The following DRC9 variants were observed in gnomAD, a reference collection of about 807,000 sequenced individuals.
DRC9 encodes the protein dynein regulatory complex subunit 9, also known as dynein regulatory complex protein 9.
At chr3:197,894,026 G>C in the DRC9 span, among the ~76,000 whole-genome samples, 759 of 152,186 alleles carry the variant, frequency 5.0e-3, 9 homozygotes, top group African/African-American at 0.018. Flanking sequence ...AAATGGAAGA[G>C]AACCAGTAAA....
chr3:197,950,898 T>G, the DRC9 span: 1 of 1,608,724 alleles, frequency 6.2e-7, no homozygotes, highest in Non-Finnish European at 8.5e-7. Context: ...GAAACTTGTG[T>G]GGCTTGGTTT....
At chr3:197,900,486 G>A in the DRC9 span, among the ~76,000 whole-genome samples, 1 of 151,716 alleles carries the variant, frequency 6.6e-6, no homozygotes, top group Non-Finnish European at 1.5e-5. This position sits in a 1 kb window ranked among gnomAD's most constrained non-coding sequence, Gnocchi z 4.7. Flanking sequence ...ACAAGGCACT[G>A]GGCAGAGGAT....
the DRC9 span, among the ~76,000 whole-genome samples, chr3:197,895,627 T>C: frequency 6.6e-6 from 1 of 152,182 alleles, no homozygotes; most frequent in East Asian, 1.9e-4. Flanking sequence ...AGTAATGATA[T>C]AAAAATCTTA....
the DRC9 span, among the ~76,000 whole-genome samples, chr3:197,928,080 C>T: frequency 6.6e-6 from 1 of 152,124 alleles, no homozygotes; most frequent in Non-Finnish European, 1.5e-5. Context: ...ACGTTTTGCA[C>T]ACGTGCCCTA....
the DRC9 span, among the ~76,000 whole-genome samples, chr3:197,917,720 C>T: frequency 6.7e-6 from 1 of 150,254 alleles, no homozygotes; most frequent in Non-Finnish European, 1.5e-5. Flanking sequence ...CCCTGTCTTC[C>T]CCATTTCTCT....
the DRC9 span, among the ~76,000 whole-genome samples, chr3:197,948,300 G>T: frequency 6.6e-6 from 1 of 152,194 alleles, no homozygotes; most frequent in Admixed American, 6.5e-5. Flanking sequence ...TTTGAAAAAT[G>T]CCTTAACTGA....
At chr3:197,940,947 A>C in the DRC9 span, among the ~76,000 whole-genome samples, 741 of 152,302 alleles carry the variant, frequency 4.9e-3, 8 homozygotes, top group African/African-American at 0.017. Context: ...ACCAGAAAAA[A>C]ACAGTGCAAA....
chr3:197,951,596 G>A, the DRC9 span: 30 of 400,632 alleles, frequency 7.5e-5, no homozygotes, highest in Non-Finnish European at 1.2e-4. Context: ...TAGGTGATCC[G>A]CCCACCTCGG....
chr3:197,917,151 A>T, the DRC9 span, among the ~76,000 whole-genome samples: 1 of 152,214 alleles, frequency 6.6e-6, no homozygotes, highest in Admixed American at 6.5e-5. Context: ...ACCTGTCTCT[A>T]CAAAAAAATT....
the DRC9 span, chr3:197,892,587 T>C: frequency 1.2e-6 from 2 of 1,604,664 alleles, no homozygotes; most frequent in Admixed American, 3.3e-5. Flanking sequence ...CCCTAATTCC[T>C]TTCACTCTGT....
chr3:197,902,551 G>T, the DRC9 span, among the ~76,000 whole-genome samples: 4 of 151,934 alleles, frequency 2.6e-5, no homozygotes, highest in African/African-American at 9.7e-5. Flanking sequence ...AGAAACTCTT[G>T]AGTTGAAAAA....
chr3:197,958,667 G>C, the DRC9 span: 1 of 152,196 alleles, frequency 6.6e-6, no homozygotes, highest in African/African-American at 2.4e-5. Flanking sequence ...GAAAACAAAC[G>C]GTTGAGACTT....
At chr3:197,955,678 G>A in the DRC9 span, 96 of 1,279,682 alleles carry the variant, frequency 7.5e-5, 1 homozygote, top group African/African-American at 5.7e-4. Context: ...AGATTTATCC[G>A]TATTACGGTT....
At chr3:197,913,259 C>T in the DRC9 span, 1 of 186,382 alleles carries the variant, frequency 5.4e-6, no homozygotes, top group Admixed American at 5.4e-5. Context: ...TGGCTTCAAA[C>T]TCAAGGATCC....
the DRC9 span, chr3:197,950,496 C>G: frequency 1.8e-5 from 6 of 342,146 alleles, no homozygotes; most frequent in Non-Finnish European, 2.5e-5. Context: ...GTCCATGAGG[C>G]AGTGCTTCCT....
the DRC9 span, chr3:197,951,095 T>G: frequency 5.4e-4 from 876 of 1,608,770 alleles, no homozygotes; most frequent in Non-Finnish European, 6.4e-4. Flanking sequence ...TGGGTGGGGG[T>G]GATTACAAGT....
chr3:197,950,751 TTC>T, the DRC9 span: 1 of 613,146 alleles, frequency 1.6e-6, no homozygotes, highest in Non-Finnish European at 2.9e-6. Flanking sequence ...ATACCAGCTG[TTC>T]TCTGAGGTTT....
the DRC9 span, among the ~76,000 whole-genome samples, chr3:197,937,565 A>C: frequency 2.9e-4 from 44 of 151,988 alleles, no homozygotes; most frequent in African/African-American, 1.0e-3. Flanking sequence ...CCCAGGTTCA[A>C]GCAATTCTCC....
chr3:197,916,656 G>C, the DRC9 span, among the ~76,000 whole-genome samples: 1 of 152,006 alleles, frequency 6.6e-6, no homozygotes, highest in Non-Finnish European at 1.5e-5. Context: ...ATAGCTCACT[G>C]TAGTCTTGAA....
Sources: allele counts gnomAD v4.1 joint callset (sites outside exome capture counted in the v4.1 genomes callset), GRCh38; gene constraint gnomAD v4.1.1; non-coding constraint Gnocchi (gnomAD v3.1); transcripts MANE v1.5; gene names NCBI Gene and HGNC (gene_info 2026-07-23, HGNC 2026-07-21).